OLFM1: variants seen among roughly 807,000 people sequenced by gnomAD.
OLFM1 encodes olfactomedin 1.
Under a neutral mutation model 49.7 loss-of-function variants are expected in OLFM1, and 9 were observed. The observed-to-expected ratio is 0.18, with a 90% CI of 0.11 to 0.32. The LOEUF is 0.32. OLFM1 is among the 10% of genes least tolerant of loss of function. OLFM1 has a pLI of 1.00. For synonymous variants in OLFM1, 240 were observed against 271.8 expected, an observed-to-expected ratio of 0.88 and a Z score of 1.15; for missense variants, 369 against 661.8, an observed-to-expected ratio of 0.56 and a Z score of 4.85.
At position 135,113,769 on chromosome 9, in the gene OLFM1, C is replaced by T. The variant is rs1343952898; in HGVS notation, c.784-5735C>T. ...CGGGCTCACGGTCAGGTGGGAGACA[C>T]ATGCCCGATGCCCCAGCACACGGGT... On this transcript the variant is annotated intron_variant, in intron 5 of 5. Coordinates refer to ENST00000371793, the MANE Select transcript of OLFM1 (RefSeq NM_001282611.2). This position sits in a 1 kb window ranked among gnomAD's most constrained non-coding sequence, Gnocchi z 4.0. 1.3e-5 allele frequency among the ~76,000 whole-genome samples: 2 copies of T among 152,210 alleles called. No homozygotes were observed. The highest frequency in any genetic ancestry group is 1.3e-4 in the Admixed American group (2 of 15,288).
chr9:135,100,122 G>T (rs1830851151), intron 4 of OLFM1, among the ~76,000 whole-genome samples: 1 of 152,174 alleles, frequency 6.6e-6, no homozygotes, highest in South Asian at 2.1e-4. Context: ...TTCCCCATGA[G>T]CAGTGTCTTC....
At chr9:135,076,983 C>G (rs531064268) in intron 1 of OLFM1, 1 of 1,550,608 alleles carries the variant, frequency 6.4e-7, no homozygotes, top group East Asian at 2.4e-5. Flanking sequence ...GGGGTTATGT[C>G]GTCCCGCTTA....
intron 3 of OLFM1, 36 bp downstream of exon 3, chr9:135,096,055 C>G: frequency 6.8e-7 from 1 of 1,463,696 alleles, no homozygotes; most frequent in South Asian, 1.2e-5. Flanking sequence ...TCCCCTTATC[C>G]TCCTCCTCCT....
chr9:135,106,672 G>A (rs1414302984), intron 4 of OLFM1, 77 bp from the exon 5 acceptor site: 5 of 1,080,828 alleles, frequency 4.6e-6, no homozygotes, highest in Non-Finnish European at 1.4e-6. Flanking sequence ...CGTGTGCTCT[G>A]GGCAGTCGAG....
In OLFM1 at chr9:135,091,561, TCACACA is replaced by T. The variant is rs57311704; in HGVS notation, c.300+1226_300+1231del. On this transcript the variant is annotated intron_variant, in intron 2 of 5. Coordinates refer to ENST00000371793, the MANE Select transcript of OLFM1 (RefSeq NM_001282611.2). ...CACTCACATAGTCACACACTCATAG[TCACACA>T]CACACACAGTCACACACTCACAGTC... 6.4e-3 allele frequency among the ~76,000 whole-genome samples: 793 copies of T among 123,378 alleles called. 17 individuals are homozygous for T. The highest frequency in any genetic ancestry group is 0.023 in the African/African-American group (752 of 32,878). 80.9% of individuals were successfully genotyped at this position (123,378 alleles called of 152,430 possible).
intron 3 of OLFM1, chr9:135,097,690 G>T: frequency 1.9e-6 from 2 of 1,044,198 alleles, no homozygotes; most frequent in South Asian, 2.5e-5. Flanking sequence ...TTTTCTAACT[G>T]ACCATGCAAA....
At chr9:135,076,867 C>T in intron 1 of OLFM1, 1 of 1,550,642 alleles carries the variant, frequency 6.4e-7, no homozygotes, top group Non-Finnish European at 8.7e-7. Context: ...GAGAGGAAGA[C>T]CACAGGAGAG....
chr9:135,076,777 C>G, intron 1 of OLFM1: 2 of 1,506,648 alleles, frequency 1.3e-6, no homozygotes, highest in South Asian at 2.6e-5. Flanking sequence ...GCCCCTGACC[C>G]TTCTTTCCTT....
At position 135,102,108 on chromosome 9, in the gene OLFM1, C is replaced by T. The variant is rs539064337; in HGVS notation, c.676+3603C>T. On this transcript the variant is annotated intron_variant, in intron 4 of 5. Coordinates refer to ENST00000371793, the MANE Select transcript of OLFM1 (RefSeq NM_001282611.2). ...CCCCTGTCAGCCGCTGGGAGCTGGG[C>T]CTGCCTGGGTATCTAGGTTGATGCA... is the stretch of plus-strand genomic sequence containing the variant. Among the ~76,000 whole-genome samples the T allele has an allele frequency of 9.8e-5, 15 of 152,328 alleles. No homozygotes were observed. The East Asian group carries it at 2.9e-3, about 29-fold the overall frequency.
Position 135,076,613 on chromosome 9 carries a change from G to A in OLFM1, c.96+811G>A, listed in dbSNP as rs1830469556. 9.3e-6 allele frequency: 10 copies of A among 1,075,794 alleles called. No homozygotes were observed. The East Asian group carries it at 1.6e-4, about 17-fold the overall frequency. The allele number at this position is 1,075,794 out of a possible 1,614,324, so 66.6% of individuals were successfully genotyped here. On this transcript the variant is annotated intron_variant, in intron 1 of 5. Coordinates refer to the OLFM1 transcript ENST00000252854. Reference sequence around the variant, plus strand: ...GGCACTATGGTGCTCGGAAGAGCCTGCCAGCCGAGGGAGCCGGGCTGCTTG... The same window carrying A: ...GGCACTATGGTGCTCGGAAGAGCCTACCAGCCGAGGGAGCCGGGCTGCTTG...
At position 135,088,186 on chromosome 9, in the gene OLFM1, C is replaced by G. The variant is rs1157802101; in HGVS notation, c.150+47C>G. ...CTTGGCGCGGCTCCTCCTCCTCCTCCTCCTCCCCCTCCTCGGTCCGGAGCC... is the reference window on the plus strand; with the variant it reads ...CTTGGCGCGGCTCCTCCTCCTCCTCGTCCTCCCCCTCCTCGGTCCGGAGCC... On this transcript the variant is annotated intron_variant, in intron 1 of 5. Transcript: ENST00000371793. The surrounding 1 kb of genome is among the most constrained non-coding windows in gnomAD (Gnocchi z 4.8). The G allele has an allele frequency of 8.0e-7, 1 of 1,256,326 alleles. No individual in the cohort carries two copies. 77.8% of individuals were successfully genotyped at this position (1,256,326 alleles called of 1,614,324 possible).
At position 135,110,897 on chromosome 9, in the gene OLFM1, G is replaced by T. The variant is rs1281061313; in HGVS notation, c.783+4042G>T. Among the ~76,000 whole-genome samples the T allele has an allele frequency of 2.0e-5, 3 of 152,242 alleles. No homozygotes were observed. In the East Asian group the frequency reaches 5.8e-4, roughly 29 times the overall value. On this transcript the variant is annotated intron_variant, in intron 5 of 5. Transcript: ENST00000371793. ...AAACCAAAGGGAAGTGCCAGCGCGG[G>T]CCCAAGTCCCTACGCCAAGACCCCT...
At position 135,098,556 on chromosome 9, in the gene OLFM1, C is replaced by A. The variant is rs1326289663; in HGVS notation, c.676+51C>A. 2 of 1,512,478 alleles carry A rather than the reference C, an allele frequency of 1.3e-6. No individual in the cohort carries two copies. Among genetic ancestry groups the A allele is most frequent in the Non-Finnish European group, 1.8e-6 (2 of 1,091,076 alleles). 93.7% of individuals were successfully genotyped at this position (1,512,478 alleles called of 1,614,324 possible). A position where few individuals can be genotyped will look rare whatever the true frequency, so the allele number is the denominator to read the frequency against. Reference sequence around the variant, plus strand: ...GGCGCTGCACTGCCCACCTCCGGCACACGCACAGGCTTAGGGAGTGGTGCT... The same window carrying A: ...GGCGCTGCACTGCCCACCTCCGGCAAACGCACAGGCTTAGGGAGTGGTGCT... On this transcript the variant is annotated intron_variant, in intron 4 of 5. Transcript: ENST00000371793. This position sits in a 1 kb window ranked among gnomAD's most constrained non-coding sequence, Gnocchi z 5.6.
chr9:135,087,203 C>T, upstream of OLFM1: 2 of 1,392,038 alleles, frequency 1.4e-6, no homozygotes, highest in Non-Finnish European at 1.9e-6. Context: ...GGCTGCTTTT[C>T]GGAGCCTGCC....
chr9:135,112,005 A>G (rs2119137277), intron 5 of OLFM1, among the ~76,000 whole-genome samples: 1 of 152,264 alleles, frequency 6.6e-6, no homozygotes, highest in South Asian at 2.1e-4. Context: ...GTGAGCCACC[A>G]CGCCCAGCCA....
intron 5 of OLFM1, among the ~76,000 whole-genome samples, chr9:135,111,842 T>C (rs1174876226): frequency 9.2e-5 from 14 of 152,186 alleles, no homozygotes; most frequent in Admixed American, 9.2e-4. Context: ...CCCGAGTAGC[T>C]GGGATTACAG....
Position 135,113,248 on chromosome 9 carries a change from C to T in OLFM1, c.784-6256C>T, listed in dbSNP as rs530323824. Among the ~76,000 whole-genome samples, 5 of 152,128 alleles carry T rather than the reference C, an allele frequency of 3.3e-5. No homozygotes were observed. Among genetic ancestry groups the T allele is most frequent in the African/African-American group, 4.8e-5 (2 of 41,492 alleles). ...TGTCTTGCTGCATCCTGGGCTAGTC[C>T]GGAGGCCAAGCCCCCTGTGGTCTCG... On this transcript the variant is annotated intron_variant, in intron 5 of 5. Coordinates refer to ENST00000371793, the MANE Select transcript of OLFM1 (RefSeq NM_001282611.2). This position sits in a 1 kb window ranked among gnomAD's most constrained non-coding sequence, Gnocchi z 4.0.
At position 135,098,060 on chromosome 9, in the gene OLFM1, C is replaced by T. The variant is rs1235068973; in HGVS notation, c.457-226C>T. The stretch of plus-strand genomic sequence containing the variant: ...GTGTATGTGACTCAAAGCATGTAAC[C>T]TTAAGATGTTGCATTCTAAACTGAC... On this transcript the variant is annotated intron_variant, in intron 3 of 5. Coordinates refer to ENST00000371793, the MANE Select transcript of OLFM1 (RefSeq NM_001282611.2). This position sits in a 1 kb window ranked among gnomAD's most constrained non-coding sequence, Gnocchi z 5.6. 6 of 1,427,936 alleles carry T rather than the reference C, an allele frequency of 4.2e-6. No individual in the cohort carries two copies. Among genetic ancestry groups the T allele is most frequent in the Non-Finnish European group, 5.5e-6 (6 of 1,098,718 alleles). The allele number at this position is 1,427,936 out of a possible 1,614,324, so 88.5% of individuals were successfully genotyped here. A position where few individuals can be genotyped will look rare whatever the true frequency, so the allele number is the denominator to read the frequency against.
intron 1 of OLFM1, among the ~76,000 whole-genome samples, chr9:135,081,222 G>T (rs925529181): frequency 6.6e-6 from 1 of 152,152 alleles, no homozygotes; most frequent in Admixed American, 6.5e-5. Flanking sequence ...ACCCCAGATG[G>T]TGCTCTAGGT....
Sources: gnomAD v4.1 joint callset for allele counts (sites outside exome capture counted in the v4.1 genomes callset) on GRCh38, gnomAD v4.1.1 for gene constraint, Gnocchi (gnomAD v3.1) non-coding constraint, MANE v1.5 for transcripts, NCBI Gene and HGNC (gene_info 2026-07-23, HGNC 2026-07-21) for gene names.